The following TTLL3 variants were observed in gnomAD, a reference collection of about 807,000 sequenced individuals.
TTLL3 encodes tubulin tyrosine ligase like 3.
Under a neutral mutation model 75.2 loss-of-function variants are expected in TTLL3, and 63 were observed. The observed-to-expected ratio is 0.84, with a 90% CI of 0.68 to 1.03. The LOEUF (loss-of-function observed/expected upper bound fraction) is 1.03. Among genes scored for constraint, TTLL3 ranks in the 50% least tolerant of loss-of-function variants. The pLI, the probability that TTLL3 is intolerant of heterozygous loss-of-function variation, is 0.00. For synonymous variants in TTLL3, 393 were observed against 418.5 expected, an observed-to-expected ratio of 0.94 and a Z score of 0.74; for missense variants, 997 against 1,069.9, an observed-to-expected ratio of 0.93 and a Z score of 0.95.
rs377510107 is a variant in TTLL3, at chr3:9,835,381, A to G, written c.2340A>G (p.Pro780=). Residue 780 remains proline (P), a synonymous_variant, in exon 14 of 14, where the codon CCA becomes CCG. Coordinates refer to ENST00000685419, the MANE Select transcript of TTLL3 (RefSeq NM_001387446.1). The part of the protein sequence containing the change: ...FPTALVLDPT[P]NKKKQVKYLG... ...CTGCCCTTGTCCTGGATCCAACACC[A>G]AATAAAAAGAAACAAGTGAAGTATT... The G allele has an allele frequency of 1.7e-5, 27 of 1,614,026 alleles. No individual in the cohort carries two copies. In the African/African-American group the frequency reaches 1.7e-4, roughly 10 times the overall value.
chr3:9,823,333 G>A (rs1045683764), intron 8 of TTLL3, among the ~76,000 whole-genome samples: 9 of 151,372 alleles, frequency 5.9e-5, no homozygotes, highest in East Asian at 3.9e-4. Flanking sequence ...GCAGTGAGCC[G>A]AGATCGCGCC....
chr3:9,822,717 G>A (rs13319174), intron 8 of TTLL3, among the ~76,000 whole-genome samples: 84,648 of 140,700 alleles, frequency 0.6, 25,686 homozygotes, highest in Non-Finnish European at 0.67. Flanking sequence ...ATATATCGTT[G>A]TATGTATATA....
Position 9,836,300 on chromosome 3 carries a change from CAAAAA to C in TTLL3, c.*822_*826del, listed in dbSNP as rs760632800. ...TGGGAGACAGAGTGAAACCCTAAAT[CAAAAA>C]AAAAAAAAAAGGTCTTTGCAGATGT... On this transcript the variant is annotated 3_prime_UTR_variant, in exon 14 of 14. Coordinates refer to ENST00000685419, the MANE Select transcript of TTLL3 (RefSeq NM_001387446.1). 9.4e-6 allele frequency: 1 copy of C among 106,032 alleles called. No individual in the cohort carries two copies. The highest frequency in any genetic ancestry group is 2.1e-5 in the Non-Finnish European group (1 of 48,626). 6.6% of individuals were successfully genotyped at this position (106,032 alleles called of 1,614,324 possible).
chr3:9,828,862 G>T (rs1559745733), intron 10 of TTLL3, 98 bp from the exon 11 acceptor site: 1 of 1,490,426 alleles, frequency 6.7e-7, no homozygotes, highest in Non-Finnish European at 9.1e-7. Flanking sequence ...AATAGTGCAG[G>T]GTGGCCCAGG....
intron 2 of TTLL3, among the ~76,000 whole-genome samples, chr3:9,811,449 T>G (rs553016102): frequency 6.4e-4 from 97 of 152,196 alleles, no homozygotes; most frequent in Non-Finnish European, 1.2e-3. Context: ...GCAAAACCAC[T>G]TGTCATCTCC....
chr3:9,822,227 G>A (rs147021843), intron 8 of TTLL3, among the ~76,000 whole-genome samples: 3,129 of 151,144 alleles, frequency 0.021, 92 homozygotes, highest in African/African-American at 0.072. Context: ...CACCACGCCC[G>A]GCTAATTTTT....
chr3:9,820,039 T>C (rs1259556097), intron 7 of TTLL3: 2 of 988,850 alleles, frequency 2.0e-6, no homozygotes, highest in East Asian at 1.1e-4. Context: ...CTTTCAGGTG[T>C]GTCAGGGCCT....
At chr3:9,831,892 G>A (rs1006567250) in intron 11 of TTLL3, among the ~76,000 whole-genome samples, 12 of 149,574 alleles carry the variant, frequency 8.0e-5, no homozygotes, top group African/African-American at 2.2e-4. Context: ...TCCGCCTCCC[G>A]GATTCAAGTG....
At position 9,829,197 on chromosome 3, in the gene TTLL3, C is replaced by T; in HGVS notation, c.1485C>T (p.Leu495=). The change falls in exon 11 of 14, where the codon CTC becomes CTT. Residue 495 remains leucine (L), a synonymous_variant. Transcript: ENST00000685419. ...TVQCRKASFE[L]YGADFVFGED... ...AGTGTCGGAAGGCCAGCTTTGAGCT[C>T]TATGGCGCTGACTTCGTGTTCGGGG... 3 of 1,614,220 alleles carry T rather than the reference C, an allele frequency of 1.9e-6. No individual in the cohort carries two copies. The highest frequency in any genetic ancestry group is 2.5e-6 in the Non-Finnish European group (3 of 1,180,026).
chr3:9,813,466 T>G (rs913436542), intron 4 of TTLL3, 121 bp downstream of exon 4: 4 of 1,134,884 alleles, frequency 3.5e-6, no homozygotes, highest in Non-Finnish European at 5.0e-6. Context: ...TCCCTATCTG[T>G]AGTAAAAACT....
intron 11 of TTLL3, 43 bp downstream of exon 11, chr3:9,829,438 C>T (rs765839801): frequency 6.5e-7 from 1 of 1,540,844 alleles, no homozygotes; most frequent in South Asian, 1.3e-5. Flanking sequence ...GAGTCTGCAC[C>T]CTCTTCCAGG....
rs371547801 is a variant in TTLL3, at chr3:9,810,356, C to T, written c.-80C>T. On this transcript the variant is annotated 5_prime_UTR_variant, in exon 1 of 14. Transcript: ENST00000685419. This position sits in a 1 kb window ranked among gnomAD's most constrained non-coding sequence, Gnocchi z 4.4. The stretch of plus-strand genomic sequence containing the variant: ...GCCTCGGATACCCACCCCCTCGGCC[C>T]CCCGCACACCCCGGTCCTCGACCCC... 1.4e-5 allele frequency: 20 copies of T among 1,382,944 alleles called. No individual in the cohort carries two copies. The East Asian group carries it at 2.6e-4, about 18-fold the overall frequency. The allele number at this position is 1,382,944 out of a possible 1,614,324, so 85.7% of individuals were successfully genotyped here. A position where few individuals can be genotyped will look rare whatever the true frequency, so the allele number is the denominator to read the frequency against.
At chr3:9,827,325 C>T (rs943236627) in intron 10 of TTLL3, 85 bp downstream of exon 10, 21 of 1,556,286 alleles carry the variant, frequency 1.3e-5, no homozygotes, top group Middle Eastern at 1.8e-4. Context: ...GCAGGGGACT[C>T]GCGCAGCAGC....
At chr3:9,820,397 T>A in intron 7 of TTLL3, 149 bp from the exon 8 acceptor site, 7 of 1,511,468 alleles carry the variant, frequency 4.6e-6, no homozygotes, top group Non-Finnish European at 6.2e-6. Context: ...AAGCCTCAGC[T>A]AAGTGACACA....
At chr3:9,827,808 C>G (rs946763683) in intron 10 of TTLL3, 1 of 85,784 alleles carries the variant, frequency 1.2e-5, no homozygotes, top group Non-Finnish European at 2.9e-5. Context: ...CAGGGAGAAA[C>G]AGGCAAGCAA....
At chr3:9,811,087 C>T (rs2079309344) in intron 2 of TTLL3, among the ~76,000 whole-genome samples, 2 of 152,200 alleles carry the variant, frequency 1.3e-5, no homozygotes, top group Admixed American at 6.5e-5. Flanking sequence ...CCCTCTTTGG[C>T]TGCTGCTTTT....
chr3:9,816,523 C>CTTTTTTTTT lies in TTLL3; in HGVS notation c.444+324_444+332dup, dbSNP rs71052206. On this transcript the variant is annotated intron_variant, in intron 5 of 13. Transcript: ENST00000685419. The stretch of plus-strand genomic sequence containing the variant: ...GACCCATTCTGTCTTACCTGGGTTT[C>CTTTTTTTTT]TTTTTTTTTTTGAGACAGAGTCTTG... Among the ~76,000 whole-genome samples, 4 of 103,992 alleles carry CTTTTTTTTT rather than the reference C, an allele frequency of 3.8e-5. 1 individual carries two copies. The highest frequency in any genetic ancestry group is 5.5e-5 in the Non-Finnish European group (3 of 54,672). The allele number at this position is 103,992 out of a possible 152,430, so 68.2% of individuals were successfully genotyped here. A position where few individuals can be genotyped will look rare whatever the true frequency, so the allele number is the denominator to read the frequency against.
Position 9,816,188 on chromosome 3 carries a change from T to C in TTLL3, c.430T>C (p.Ser144Pro). 2 of 1,353,640 alleles carry C rather than the reference T, an allele frequency of 1.5e-6. No individual in the cohort carries two copies. Among genetic ancestry groups the C allele is most frequent in the Non-Finnish European group, 2.0e-6 (2 of 1,015,694 alleles). The allele number at this position is 1,353,640 out of a possible 1,614,324, so 83.9% of individuals were successfully genotyped here. A position where few individuals can be genotyped will look rare whatever the true frequency, so the allele number is the denominator to read the frequency against. Residue 144 changes from serine (S) to proline (P), a missense_variant, in exon 5 of 14, where the codon TCC (serine) becomes CCC (proline). Transcript: ENST00000685419. ...QMINHYARAG[S>P]FTTKVGLCLN... ...GATAAACCACTACGCCCGGGCTGGCTCCTTTACCACAAAGGTGGGCTCCCT... is the reference window on the plus strand; with the variant it reads ...GATAAACCACTACGCCCGGGCTGGCCCCTTTACCACAAAGGTGGGCTCCCT...
intron 12 of TTLL3, chr3:9,834,008 A>G (rs542381196): frequency 1.5e-4 from 29 of 195,820 alleles, no homozygotes; most frequent in Non-Finnish European, 2.6e-4. Flanking sequence ...GCTACTTGGG[A>G]GACTGAGGCA....
Sources: gnomAD v4.1 joint callset for allele counts (sites outside exome capture counted in the v4.1 genomes callset) on GRCh38, gnomAD v4.1.1 for gene constraint, Gnocchi (gnomAD v3.1) non-coding constraint, MANE v1.5 for transcripts, NCBI Gene and HGNC (gene_info 2026-07-23, HGNC 2026-07-21) for gene names.